PRKG1: variants seen among roughly 807,000 people sequenced by gnomAD.
The protein encoded by PRKG1 is protein kinase cGMP-dependent 1.
PRKG1 carries 35 observed loss-of-function variants against 88.1 expected under a neutral mutation model. The ratio of observed to expected loss-of-function variants is 0.40; its 90% CI spans 0.30 to 0.53. The LOEUF (loss-of-function observed/expected upper bound fraction) is 0.53, where lower values mean the gene tolerates loss of function less well. Among genes scored for constraint, PRKG1 ranks in the 20% least tolerant of loss-of-function variants. The pLI, the probability that PRKG1 is intolerant of heterozygous loss-of-function variation, is 0.59. For missense variants in PRKG1, 540 were observed against 839.8 expected (o/e 0.64, Z 4.41); for synonymous variants, 303 against 292.5 (o/e 1.04, Z -0.37).
intron 2 of PRKG1, among the ~76,000 whole-genome samples, chr10:51,415,772 G>A (rs550748222): frequency 2.6e-5 from 4 of 152,084 alleles, no homozygotes; most frequent in East Asian, 3.9e-4. Flanking sequence ...ACTGCCCACC[G>A]CTTTATTAGT....
Position 51,797,136 on chromosome 10 carries a change from T to G in PRKG1, c.593-7449T>G, listed in dbSNP as rs1443870968. Among the ~76,000 whole-genome samples the G allele has an allele frequency of 2.6e-5, 4 of 151,082 alleles. No homozygotes were observed. In the East Asian group the frequency reaches 7.8e-4, roughly 29 times the overall value. ...ATGGGGAATGTCACCAGTGCCTGCT[T>G]ATGGAATTTGAATTGTGCCTTAAAA... is the stretch of plus-strand genomic sequence containing the variant. On this transcript the variant is annotated intron_variant, in intron 3 of 17. Transcript: ENST00000373980.
At chr10:51,488,983 AC>A (rs529400814) in intron 3 of PRKG1, among the ~76,000 whole-genome samples, 129 of 152,312 alleles carry the variant, frequency 8.5e-4, no homozygotes, top group Middle Eastern at 3.4e-3. Flanking sequence ...AAAGTGGGAT[AC>A]TAAAACAAAA....
At chr10:51,436,840 T>C (rs962466815) in intron 2 of PRKG1, among the ~76,000 whole-genome samples, 2 of 152,036 alleles carry the variant, frequency 1.3e-5, no homozygotes, top group Non-Finnish European at 2.9e-5. Context: ...ACTAGAGACC[T>C]GTAAGCTAAA....
chr10:52,271,213 C>T (rs1031271410), intron 10 of PRKG1, 137 bp from the exon 11 acceptor site: 1 of 884,062 alleles, frequency 1.1e-6, no homozygotes, highest in African/African-American at 1.7e-5. Context: ...CGCAGCTCTA[C>T]CAAGGATTTA....
chr10:51,032,358 C>CT (rs955841566), intron 1 of PRKG1, among the ~76,000 whole-genome samples: 111 of 146,122 alleles, frequency 7.6e-4, no homozygotes, highest in Middle Eastern at 3.5e-3. Flanking sequence ...CCTCTTTCAT[C>CT]TTTTTTTTTT....
intron 2 of PRKG1, among the ~76,000 whole-genome samples, chr10:51,259,455 G>T (rs1839647604): frequency 1.3e-5 from 2 of 152,028 alleles, no homozygotes; most frequent in South Asian, 4.1e-4. Context: ...CTATGGGTTG[G>T]TATCAACCCT....
chr10:51,804,772 GGGT>G, intron 4 of PRKG1, 82 bp downstream of exon 4: 1 of 1,002,516 alleles, frequency 1.0e-6, no homozygotes, highest in East Asian at 2.5e-5. Flanking sequence ...CTGAATTTCA[GGGT>G]GCTTTTTGCC....
At chr10:51,608,913 A>T (rs1838833527) in intron 3 of PRKG1, among the ~76,000 whole-genome samples, 1 of 152,188 alleles carries the variant, frequency 6.6e-6, no homozygotes, top group South Asian at 2.1e-4. Flanking sequence ...AACAAATGAA[A>T]TAAGAAAAAG....
intron 3 of PRKG1, among the ~76,000 whole-genome samples, chr10:51,512,120 A>G (rs928274062): frequency 6.6e-6 from 1 of 150,800 alleles, no homozygotes; most frequent in African/African-American, 2.4e-5. Flanking sequence ...TTTGGGAAAG[A>G]GGGTGGTGGT....
chr10:51,338,996 A>G (rs1437278461), intron 2 of PRKG1, among the ~76,000 whole-genome samples: 4 of 152,200 alleles, frequency 2.6e-5, no homozygotes, highest in Non-Finnish European at 5.9e-5. Flanking sequence ...CCTGGGTAGC[A>G]TATATCCATT....
chr10:51,950,482 G>A (rs1843155889), intron 5 of PRKG1, among the ~76,000 whole-genome samples: 1 of 152,214 alleles, frequency 6.6e-6, no homozygotes, highest in Admixed American at 6.5e-5. Flanking sequence ...CGCAGCAGGG[G>A]CACCCTGTCT....
At chr10:51,833,102 C>T (rs554917870) in intron 4 of PRKG1, among the ~76,000 whole-genome samples, 17 of 152,180 alleles carry the variant, frequency 1.1e-4, no homozygotes, top group African/African-American at 2.9e-4. Context: ...TCATTGAATG[C>T]GGTGTATTAG....
intron 4 of PRKG1, among the ~76,000 whole-genome samples, chr10:51,868,962 T>G (rs1379506571): frequency 6.6e-6 from 1 of 152,234 alleles, no homozygotes; most frequent in African/African-American, 2.4e-5. Context: ...TAAATGTGCT[T>G]AGGGCATTTT....
chr10:51,343,447 T>C (rs952341541), intron 2 of PRKG1, among the ~76,000 whole-genome samples: 2 of 152,176 alleles, frequency 1.3e-5, no homozygotes, highest in African/African-American at 4.8e-5. Context: ...CCAATGTATA[T>C]GTGATATCAG....
At chr10:50,994,401 A>ATT (rs562018970) in intron 1 of PRKG1, among the ~76,000 whole-genome samples, 981 of 87,672 alleles carry the variant, frequency 0.011, 125 homozygotes, top group Non-Finnish European at 0.015. Flanking sequence ...CTCACCTGTA[A>ATT]TTTTTTTTTT....
intron 2 of PRKG1, among the ~76,000 whole-genome samples, chr10:51,174,508 T>C (rs9414859): frequency 0.066 from 10,004 of 152,076 alleles, 693 homozygotes; most frequent in African/African-American, 0.17. Flanking sequence ...GTTTGACAAT[T>C]GGCTTCGCAA....
intron 2 of PRKG1, among the ~76,000 whole-genome samples, chr10:51,436,172 G>A (rs545146234): frequency 6.8e-6 from 1 of 147,288 alleles, no homozygotes; most frequent in African/African-American, 2.6e-5. Flanking sequence ...CTATCTGTAA[G>A]TTGTTTTTTT....
intron 9 of PRKG1, among the ~76,000 whole-genome samples, chr10:52,171,620 C>T (rs935822425): frequency 1.3e-5 from 2 of 151,908 alleles, no homozygotes; most frequent in African/African-American, 4.8e-5. Flanking sequence ...CTAAGGCCAC[C>T]AATGCTGATA....
intron 3 of PRKG1, among the ~76,000 whole-genome samples, chr10:51,678,183 C>T (rs944067007): frequency 2.0e-5 from 3 of 152,102 alleles, no homozygotes; most frequent in Non-Finnish European, 4.4e-5. Context: ...TAAAGGGCAA[C>T]ACCTATGCAG....
Sources: allele counts gnomAD v4.1 joint callset (sites outside exome capture counted in the v4.1 genomes callset), GRCh38; gene constraint gnomAD v4.1.1; transcripts MANE v1.5; gene names NCBI Gene and HGNC (gene_info 2026-07-23, HGNC 2026-07-21).